Variants in ESR1 observed in about 807,000 individuals in gnomAD.
The protein encoded by ESR1 is estrogen receptor.
Under a neutral mutation model 52.7 loss-of-function variants are expected in ESR1, and 12 were observed. The ratio of observed to expected loss-of-function variants is 0.23; its 90% confidence interval spans 0.15 to 0.37. The LOEUF is 0.37. Ranked by LOEUF, ESR1 falls within the 10% of genes least tolerant of loss-of-function variation. ESR1 has a pLI of 1.00. For missense variants in ESR1, 584 were observed against 779.7 expected, an observed-to-expected ratio of 0.75 and a Z score of 2.99; for synonymous variants, 305 against 316.8, an observed-to-expected ratio of 0.96 and a Z score of 0.39.
chr6:151,871,179 A>G (rs967193316), intron 2 of ESR1, among the ~76,000 whole-genome samples: 3 of 151,966 alleles, frequency 2.0e-5, no homozygotes, highest in Admixed American at 2.0e-4. Context: ...GGTAAACTAT[A>G]CAATTCATCC....
intron 3 of ESR1, among the ~76,000 whole-genome samples, chr6:151,937,058 A>C (rs1167610645): frequency 6.6e-6 from 1 of 152,138 alleles, no homozygotes; most frequent in Non-Finnish European, 1.5e-5. Flanking sequence ...TCCTTGTTTT[A>C]TAAAAAACAA....
At chr6:151,923,102 A>G (rs1020023929) in intron 3 of ESR1, among the ~76,000 whole-genome samples, 3 of 152,186 alleles carry the variant, frequency 2.0e-5, no homozygotes, top group African/African-American at 7.2e-5. Context: ...AACTTTATCA[A>G]CTAGAGTATA....
At chr6:151,669,741 C>T (rs1478707260) in intron 1 of ESR1, among the ~76,000 whole-genome samples, 3 of 152,168 alleles carry the variant, frequency 2.0e-5, no homozygotes, top group Non-Finnish European at 4.4e-5. Context: ...CCGTAATAAA[C>T]AGTCTATGTG....
chr6:151,978,084 A>T (rs931130506), intron 4 of ESR1, among the ~76,000 whole-genome samples: 7 of 152,130 alleles, frequency 4.6e-5, no homozygotes, highest in Admixed American at 4.6e-4. Flanking sequence ...TAAATACATT[A>T]TACAAAAGTT....
At chr6:151,688,583 G>C (rs1778778327), upstream of ESR1, among the ~76,000 whole-genome samples, 1 of 151,550 alleles carries the variant, frequency 6.6e-6, no homozygotes, top group Non-Finnish European at 1.5e-5. Context: ...ATCAACCTCT[G>C]GTTGGATAAA....
chr6:152,028,660 G>A lies in ESR1; in HGVS notation c.1235+16866G>A, dbSNP rs995691471. 5.3e-5 allele frequency among the ~76,000 whole-genome samples: 8 copies of A among 152,316 alleles called. No individual in the cohort carries two copies. In the South Asian group the frequency reaches 1.7e-3, roughly 32 times the overall value. ...AAAGTGGCTGGGAAGCTGGAACTGG[G>A]TGGAGCCCACCGCAGCTCAAGGAGG... On this transcript the variant is annotated intron_variant, in intron 5 of 7. Coordinates refer to ENST00000206249, the MANE Select transcript of ESR1 (RefSeq NM_000125.4).
intron 5 of ESR1, among the ~76,000 whole-genome samples, chr6:152,044,298 T>C (rs1039309005): frequency 2.0e-5 from 3 of 152,184 alleles, no homozygotes. Context: ...TCTAATCATA[T>C]TTAGCAGCCA....
intron 5 of ESR1, among the ~76,000 whole-genome samples, chr6:152,037,466 G>A (rs138841271): frequency 3.0e-4 from 45 of 152,290 alleles, no homozygotes; most frequent in African/African-American, 1.0e-3. Context: ...GAATGATGTT[G>A]CGCTTTGCTG....
At chr6:151,705,700 T>A (rs902398271) in intron 2 of ESR1, among the ~76,000 whole-genome samples, 2 of 152,232 alleles carry the variant, frequency 1.3e-5, no homozygotes, top group African/African-American at 4.8e-5. Context: ...TGACTTTATC[T>A]TGTTGCTTTA....
At chr6:151,666,105 T>C (rs1418736650) in intron 1 of ESR1, among the ~76,000 whole-genome samples, 2 of 152,232 alleles carry the variant, frequency 1.3e-5, no homozygotes, top group African/African-American at 4.8e-5. Context: ...GAAATGTGTC[T>C]TTCATAAGTA....
intron 6 of ESR1, among the ~76,000 whole-genome samples, chr6:152,063,196 G>T (rs930905172): frequency 4.6e-5 from 7 of 152,104 alleles, no homozygotes; most frequent in Non-Finnish European, 1.0e-4. Context: ...AGGATCTTCT[G>T]TGCACTTCTT....
At chr6:151,816,771 C>T (rs1779716180) in intron 1 of ESR1, among the ~76,000 whole-genome samples, 1 of 152,116 alleles carries the variant, frequency 6.6e-6, no homozygotes, top group Admixed American at 6.5e-5. Context: ...TGGCTGCGTG[C>T]AGCTGCTCAT....
intron 4 of ESR1, among the ~76,000 whole-genome samples, chr6:151,964,790 C>T (rs1209936943): frequency 5.3e-5 from 8 of 151,956 alleles, no homozygotes; most frequent in East Asian, 3.9e-4. Context: ...TACAGGTGCC[C>T]GCCACCACGC....
At chr6:152,107,709 G>T (rs2051082963), downstream of ESR1, among the ~76,000 whole-genome samples, 1 of 152,152 alleles carries the variant, frequency 6.6e-6, no homozygotes, top group African/African-American at 2.4e-5. Context: ...ATACCCTATT[G>T]TAGCAACTCT....
chr6:151,800,923 G>A (rs1051727453), upstream of ESR1, among the ~76,000 whole-genome samples: 2 of 152,048 alleles, frequency 1.3e-5, no homozygotes, highest in African/African-American at 4.8e-5. Context: ...TCACAAAATC[G>A]GAAGAAAGAG....
intron 4 of ESR1, among the ~76,000 whole-genome samples, chr6:151,967,761 C>G (rs2038435980): frequency 6.6e-6 from 1 of 152,230 alleles, no homozygotes; most frequent in Non-Finnish European, 1.5e-5. Flanking sequence ...AATCACCACG[C>G]TGTCTTCCAC....
intron 3 of ESR1, among the ~76,000 whole-genome samples, chr6:151,941,912 G>A (rs570809763): frequency 1.3e-5 from 2 of 152,300 alleles, no homozygotes; most frequent in South Asian, 2.1e-4. Context: ...GAGATGCTCA[G>A]GTTTCCTCCA....
chr6:152,049,920 A>G (rs1278586615), intron 5 of ESR1, among the ~76,000 whole-genome samples: 2 of 152,280 alleles, frequency 1.3e-5, no homozygotes, highest in East Asian at 1.9e-4. Flanking sequence ...CTCTCTCTGA[A>G]TGATACTGCC....
chr6:152,062,907 C>A (rs1164699807), intron 6 of ESR1, among the ~76,000 whole-genome samples: 1 of 152,142 alleles, frequency 6.6e-6, no homozygotes, highest in African/African-American at 2.4e-5. Flanking sequence ...ACTTTTCCTG[C>A]ATTATTGTTT....
Sources: gnomAD v4.1 joint callset for allele counts (sites outside exome capture counted in the v4.1 genomes callset) on GRCh38, gnomAD v4.1.1 for gene constraint, MANE v1.5 for transcripts, NCBI Gene and HGNC (gene_info 2026-07-23, HGNC 2026-07-21) for gene names.